The following RBFOX1 variants were observed in gnomAD, a reference collection of about 807,000 sequenced individuals.
RBFOX1 encodes the protein RNA binding protein fox-1 homolog 1.
Under a neutral mutation model 57.7 loss-of-function variants are expected in RBFOX1, and 8 were observed. The ratio of observed to expected loss-of-function variants is 0.14; its 90% CI spans 0.08 to 0.25. RBFOX1 has a LOEUF of 0.25. Among genes scored for constraint, RBFOX1 ranks in the 10% least tolerant of loss-of-function variants. RBFOX1 has a pLI of 1.00. For missense variants in RBFOX1, 611 were observed against 548.5 expected, an observed-to-expected ratio of 1.11 and a Z score of -1.14; for synonymous variants, 326 against 222.4, an observed-to-expected ratio of 1.47 and a Z score of -4.15.
intron 3 of RBFOX1, among the ~76,000 whole-genome samples, chr16:6,871,911 CTG>C (rs57684251): frequency 0.092 from 11,866 of 129,472 alleles, 686 homozygotes; most frequent in African/African-American, 0.18. Context: ...GGGAGAGAGT[CTG>C]TGTGTGTGTG....
intron 3 of RBFOX1, among the ~76,000 whole-genome samples, chr16:6,684,317 T>TA (rs1369431677): frequency 2.0e-5 from 3 of 152,324 alleles, no homozygotes; most frequent in African/African-American, 7.2e-5. Flanking sequence ...TTTAATTAGC[T>TA]AAAAGGAAGA....
At chr16:7,504,159 G>A (rs2071961711) in intron 4 of RBFOX1, among the ~76,000 whole-genome samples, 1 of 152,096 alleles carries the variant, frequency 6.6e-6, no homozygotes, top group African/African-American at 2.4e-5. Context: ...ATCATGACCT[G>A]AGATAATTTT....
At chr16:7,104,853 T>G (rs149441496) in intron 4 of RBFOX1, among the ~76,000 whole-genome samples, 8 of 152,272 alleles carry the variant, frequency 5.3e-5, no homozygotes, top group African/African-American at 1.9e-4. Context: ...GAGAACTCAC[T>G]GGTGTACAAA....
intron 1 of RBFOX1, among the ~76,000 whole-genome samples, chr16:6,036,015 C>G (rs577591856): frequency 2.0e-5 from 3 of 152,152 alleles, no homozygotes; most frequent in Non-Finnish European, 2.9e-5. Context: ...TACTATCATC[C>G]TATGTATTAT....
intron 4 of RBFOX1, among the ~76,000 whole-genome samples, chr16:7,256,223 C>A (rs1345673988): frequency 6.6e-6 from 1 of 152,102 alleles, no homozygotes; most frequent in Non-Finnish European, 1.5e-5. Context: ...TCTTTACTCC[C>A]TTGCCTTCCA....
intron 2 of RBFOX1, among the ~76,000 whole-genome samples, chr16:6,609,276 C>T (rs1057428035): frequency 6.6e-6 from 1 of 152,146 alleles, no homozygotes; most frequent in Non-Finnish European, 1.5e-5. Context: ...AGCACAGTGG[C>T]TGGGTATGGA....
chr16:7,189,533 C>G (rs2084822700), intron 4 of RBFOX1, among the ~76,000 whole-genome samples: 1 of 149,874 alleles, frequency 6.7e-6, no homozygotes, highest in South Asian at 2.1e-4. Context: ...TGCCCCCACT[C>G]CAAAACACTA....
intron 1 of RBFOX1, among the ~76,000 whole-genome samples, chr16:6,110,861 C>T (rs1343646215): frequency 1.3e-5 from 2 of 152,180 alleles, no homozygotes; most frequent in Non-Finnish European, 2.9e-5. Context: ...CTCCAGTGCA[C>T]AGCACCAGCC....
chr16:5,398,983 T>G (rs895079375), intron 1 of RBFOX1, among the ~76,000 whole-genome samples: 1 of 152,328 alleles, frequency 6.6e-6, no homozygotes, highest in Admixed American at 6.5e-5. Context: ...CCAGCTTTTC[T>G]CCTTCTCTTC....
At chr16:6,410,610 C>T (rs527370150) in intron 2 of RBFOX1, among the ~76,000 whole-genome samples, 2 of 152,158 alleles carry the variant, frequency 1.3e-5, no homozygotes, top group Non-Finnish European at 2.9e-5. Flanking sequence ...CGCGCACCTT[C>T]TATTTGAGGC....
chr16:5,564,778 T>C (rs1329223519), intron 2 of RBFOX1, among the ~76,000 whole-genome samples: 1 of 152,164 alleles, frequency 6.6e-6, no homozygotes, highest in Non-Finnish European at 1.5e-5. Context: ...TTCTAGGCAG[T>C]GGGTCCTAGA....
At chr16:6,797,429 T>C (rs1158709977) in intron 3 of RBFOX1, among the ~76,000 whole-genome samples, 3 of 152,122 alleles carry the variant, frequency 2.0e-5, no homozygotes, top group African/African-American at 4.8e-5. Context: ...AGAGTTGCTT[T>C]GTTGCGCAAT....
chr16:6,966,840 T>C (rs945715558), intron 3 of RBFOX1, among the ~76,000 whole-genome samples: 105 of 150,506 alleles, frequency 7.0e-4, no homozygotes, highest in Non-Finnish European at 1.3e-3. Context: ...TCTATCTATC[T>C]ATCCATCCAT....
intron 4 of RBFOX1, among the ~76,000 whole-genome samples, chr16:7,234,121 A>G (rs1486113960): frequency 6.6e-6 from 1 of 152,018 alleles, no homozygotes; most frequent in Non-Finnish European, 1.5e-5. Flanking sequence ...AGCTCTATTC[A>G]CAAAGGCCTG....
chr16:7,355,423 C>G (rs1445068512), intron 4 of RBFOX1, among the ~76,000 whole-genome samples: 4 of 152,172 alleles, frequency 2.6e-5, no homozygotes, highest in Non-Finnish European at 4.4e-5. Flanking sequence ...TCCTACCTCC[C>G]ACCCAGAGAC....
chr16:5,818,919 A>G (rs1035679898), intron 3 of RBFOX1, among the ~76,000 whole-genome samples: 3 of 152,060 alleles, frequency 2.0e-5, no homozygotes, highest in African/African-American at 7.2e-5. Context: ...CCTTTGACTC[A>G]TCTCTTTCCC....
intron 1 of RBFOX1, among the ~76,000 whole-genome samples, chr16:6,050,118 C>G (rs192208501): frequency 6.6e-6 from 1 of 151,978 alleles, no homozygotes; most frequent in South Asian, 2.1e-4. Context: ...GCCACGACGC[C>G]TGACTAATTT....
chr16:6,078,869 A>C (rs563772602), intron 1 of RBFOX1, among the ~76,000 whole-genome samples: 4 of 152,348 alleles, frequency 2.6e-5, no homozygotes, highest in African/African-American at 9.6e-5. Context: ...CTAAGACTCT[A>C]TCTGAAAACT....
chr16:6,374,134 G>A (rs980860471), intron 2 of RBFOX1, among the ~76,000 whole-genome samples: 1 of 152,186 alleles, frequency 6.6e-6, no homozygotes, highest in Admixed American at 6.5e-5. Context: ...CTTCAACACT[G>A]AGTGTGGACT....
Sources: allele counts gnomAD v4.1 joint callset (sites outside exome capture counted in the v4.1 genomes callset), GRCh38; gene constraint gnomAD v4.1.1; transcripts MANE v1.5; gene names NCBI Gene and HGNC (gene_info 2026-07-23, HGNC 2026-07-21).